Variants in IL6R observed in about 807,000 individuals in gnomAD.
IL6R encodes the protein interleukin-6 receptor subunit alpha.
A neutral mutation model predicts 48.3 loss-of-function variants in IL6R; 38 were observed. That is an observed-to-expected ratio of 0.79 (90% CI 0.61 to 1.03). IL6R has a LOEUF of 1.03. Among genes scored for constraint, IL6R ranks in the 50% least tolerant of loss-of-function variants. The pLI, the probability that IL6R is intolerant of heterozygous loss-of-function variation, is 0.00. For synonymous variants in IL6R, 264 were observed against 256.2 expected, an observed-to-expected ratio of 1.03 and a Z score of -0.29; for missense variants, 534 against 618.3, an observed-to-expected ratio of 0.86 and a Z score of 1.45.
Position 154,429,341 on chromosome 1 carries a change from G to A in IL6R, c.231G>A (p.Met77Ile). 6.2e-7 allele frequency: 1 copy of A among 1,614,110 alleles called. No individual in the cohort carries two copies. Among genetic ancestry groups the A allele is most frequent in the Non-Finnish European group, 8.5e-7 (1 of 1,180,024 alleles). ...CCCACCCCAGCAGATGGGCTGGCAT[G>A]GGAAGGAGGCTGCTGCTGAGGTCGG... ...AGSHPSRWAGMGRRLLLRSVQ... is the reference protein window; with the variant it reads ...AGSHPSRWAGIGRRLLLRSVQ... Residue 77 changes from methionine (M) to isoleucine (I), a missense_variant, in exon 2 of 10, where the codon ATG (methionine) becomes ATA (isoleucine). Met to Ile is a conservative substitution (Grantham distance 10). Transcript: ENST00000368485.
chr1:154,414,674 T>C, intron 1 of IL6R: 1 of 858,244 alleles, frequency 1.2e-6, no homozygotes, highest in Non-Finnish European at 2.0e-6. Flanking sequence ...ATGTTACCCT[T>C]GGCCAGGAAC....
chr1:154,422,948 A>G (rs1298265631), intron 1 of IL6R, among the ~76,000 whole-genome samples: 1 of 152,114 alleles, frequency 6.6e-6, no homozygotes, highest in Non-Finnish European at 1.5e-5. Context: ...CCCAGGGAAC[A>G]GAAAAACAGA....
intron 3 of IL6R, 105 bp from the exon 4 acceptor site, chr1:154,434,414 C>T: frequency 1.1e-6 from 1 of 925,556 alleles, no homozygotes; most frequent in South Asian, 1.6e-5. Context: ...GCTTATAAGT[C>T]TGGAGCTGGG....
intron 1 of IL6R, chr1:154,418,512 C>A: frequency 3.2e-6 from 2 of 615,522 alleles, no homozygotes; most frequent in Non-Finnish European, 4.1e-6. Flanking sequence ...CAGGGGCCTG[C>A]CAGCCAAAGC....
chr1:154,419,695 C>T (rs929651743), intron 1 of IL6R, among the ~76,000 whole-genome samples: 1 of 152,156 alleles, frequency 6.6e-6, no homozygotes, highest in Non-Finnish European at 1.5e-5. Flanking sequence ...GCTGGTTCAC[C>T]GCTTACATAA....
chr1:154,411,199 C>T (rs374142283), intron 1 of IL6R, among the ~76,000 whole-genome samples: 128 of 152,210 alleles, frequency 8.4e-4, no homozygotes, highest in African/African-American at 2.9e-3. Context: ...GCTGGCATTA[C>T]GGGTGCACAC....
intron 1 of IL6R, among the ~76,000 whole-genome samples, chr1:154,413,357 C>A (rs1041278300): frequency 8.5e-5 from 13 of 152,236 alleles, no homozygotes; most frequent in African/African-American, 2.4e-4. Context: ...ACGGCCCCTG[C>A]TGTGGGGAAT....
At chr1:154,409,034 C>T (rs750351827) in intron 1 of IL6R, among the ~76,000 whole-genome samples, 36 of 152,214 alleles carry the variant, frequency 2.4e-4, no homozygotes, top group Non-Finnish European at 3.5e-4. Flanking sequence ...GTAGTCCCTG[C>T]TACTGAGAAG....
At position 154,447,457 on chromosome 1, in the gene IL6R, AT is replaced by A. The variant is rs1690300311; in HGVS notation, c.950-667del. ...CCATCTCAAAAAAAAAAAAAAAAAT[AT>A]ATATATATATATATATATACACACA... On this transcript the variant is annotated intron_variant, in intron 6 of 9. Coordinates refer to ENST00000368485, the MANE Select transcript of IL6R (RefSeq NM_000565.4). 2.0e-4 allele frequency among the ~76,000 whole-genome samples: 16 copies of A among 81,600 alleles called. 1 individual carries two copies. Among genetic ancestry groups the A allele is most frequent in the East Asian group, 6.0e-4 (2 of 3,328 alleles). The allele number at this position is 81,600 out of a possible 152,430, so 53.5% of individuals were successfully genotyped here.
At chr1:154,444,131 G>T (rs1410751939) in intron 6 of IL6R, among the ~76,000 whole-genome samples, 1 of 151,838 alleles carries the variant, frequency 6.6e-6, no homozygotes, top group African/African-American at 2.4e-5. Context: ...TGCACAACTG[G>T]GTGATTCCTA....
At chr1:154,463,872 T>C (rs1186289557) in intron 9 of IL6R, among the ~76,000 whole-genome samples, 1 of 152,218 alleles carries the variant, frequency 6.6e-6, no homozygotes, top group African/African-American at 2.4e-5. Context: ...GCATTGACTT[T>C]CCTGTCAGAT....
chr1:154,437,087 T>G lies in IL6R; in HGVS notation c.949+977T>G, dbSNP rs1039171985. 4.6e-5 allele frequency among the ~76,000 whole-genome samples: 7 copies of G among 152,202 alleles called. No individual in the cohort carries two copies. In the East Asian group the frequency reaches 7.7e-4, roughly 17 times the overall value. On this transcript the variant is annotated intron_variant, in intron 6 of 9. Coordinates refer to ENST00000368485, the MANE Select transcript of IL6R (RefSeq NM_000565.4). ...TTAAAACTCCATGGAAATTTGTTGTTGTTGTTGTTGTTTTGTTTGTTTGTT... is the reference window on the plus strand; with the variant it reads ...TTAAAACTCCATGGAAATTTGTTGTGGTTGTTGTTGTTTTGTTTGTTTGTT...
At chr1:154,443,763 GC>G (rs1409737328) in intron 6 of IL6R, among the ~76,000 whole-genome samples, 4 of 152,216 alleles carry the variant, frequency 2.6e-5, no homozygotes, top group Non-Finnish European at 5.9e-5. Flanking sequence ...CAGCATGACT[GC>G]CTTTCACCCG....
chr1:154,406,428 G>A (rs184715431), intron 1 of IL6R: 5 of 152,412 alleles, frequency 3.3e-5, no homozygotes, highest in African/African-American at 1.2e-4. Context: ...GGAGAGGGCA[G>A]AGGCACTTAC....
intron 1 of IL6R, among the ~76,000 whole-genome samples, chr1:154,425,099 A>C (rs956175999): frequency 6.6e-5 from 10 of 152,160 alleles, no homozygotes; most frequent in Admixed American, 1.3e-4. Flanking sequence ...AACATAACCG[A>C]TTAGGTCAGG....
intron 9 of IL6R, among the ~76,000 whole-genome samples, chr1:154,461,199 C>T (rs1004147981): frequency 1.3e-5 from 2 of 152,270 alleles, no homozygotes; most frequent in East Asian, 1.9e-4. Context: ...CTATGAGCTT[C>T]GAAGAGGAAC....
At chr1:154,459,749 C>T (rs1250967632) in intron 9 of IL6R, among the ~76,000 whole-genome samples, 3 of 152,204 alleles carry the variant, frequency 2.0e-5, no homozygotes, top group South Asian at 4.2e-4. Context: ...TCTCTGTCCC[C>T]CACTGATTCT....
At chr1:154,435,898 A>C in intron 5 of IL6R, 71 bp from the exon 6 acceptor site, 1 of 1,380,210 alleles carries the variant, frequency 7.2e-7, no homozygotes, top group Non-Finnish European at 9.8e-7. Flanking sequence ...CAAGGCACCA[A>C]CCCACTGGGG....
chr1:154,428,035 G>A (rs1303491485), intron 1 of IL6R, among the ~76,000 whole-genome samples: 1 of 152,192 alleles, frequency 6.6e-6, no homozygotes, highest in African/African-American at 2.4e-5. Flanking sequence ...AAAGGACCAA[G>A]TGTGCTTACA....
Sources: gnomAD v4.1 joint callset for allele counts (sites outside exome capture counted in the v4.1 genomes callset) on GRCh38, gnomAD v4.1.1 for gene constraint, MANE v1.5 for transcripts, NCBI Gene and HGNC (gene_info 2026-07-23, HGNC 2026-07-21) for gene names.